MACROD2: variants seen among roughly 807,000 people sequenced by gnomAD.
MACROD2 encodes ADP-ribose glycohydrolase MACROD2.
MACROD2 carries 36 observed loss-of-function variants against 70.4 expected under a neutral mutation model. That is an observed-to-expected ratio of 0.51 (90% CI 0.39 to 0.68). MACROD2 has a LOEUF of 0.68. Among genes scored for constraint, MACROD2 ranks in the 30% least tolerant of loss-of-function variants. MACROD2 has a pLI of 0.00. For synonymous variants in MACROD2, 172 were observed against 178.8 expected, an observed-to-expected ratio of 0.96 and a Z score of 0.30; for missense variants, 496 against 538.4, an observed-to-expected ratio of 0.92 and a Z score of 0.78.
chr20:15,741,818 G>A (rs1234924572), intron 8 of MACROD2, among the ~76,000 whole-genome samples: 3 of 152,024 alleles, frequency 2.0e-5, no homozygotes, highest in Admixed American at 1.3e-4. Context: ...AGAAGATCAG[G>A]GGTCTTTGCA....
At chr20:15,728,642 TA>T (rs1025387264) in intron 8 of MACROD2, among the ~76,000 whole-genome samples, 2 of 152,124 alleles carry the variant, frequency 1.3e-5, no homozygotes, top group African/African-American at 4.8e-5. Flanking sequence ...TGTATGTTTT[TA>T]AAAATTTATC....
chr20:14,416,642 C>T (rs758243140), intron 3 of MACROD2, among the ~76,000 whole-genome samples: 4 of 152,160 alleles, frequency 2.6e-5, no homozygotes, highest in Non-Finnish European at 4.4e-5. Context: ...GTTATAAGCA[C>T]GTCTTTCTTT....
At chr20:15,314,291 G>A (rs2077785405) in intron 6 of MACROD2, among the ~76,000 whole-genome samples, 2 of 151,992 alleles carry the variant, frequency 1.3e-5, no homozygotes, top group Non-Finnish European at 2.9e-5. Context: ...AAAAAAAAAG[G>A]CAACTTTAAA....
In MACROD2 at chr20:14,564,796, A is replaced by G. The variant is rs1325631771; in HGVS notation, c.301+71288A>G. Among the ~76,000 whole-genome samples, 3 of 151,960 alleles carry G rather than the reference A, an allele frequency of 2.0e-5. No homozygotes were observed. The East Asian group carries it at 5.8e-4, about 29-fold the overall frequency. On this transcript the variant is annotated intron_variant, in intron 4 of 17. Coordinates refer to ENST00000684519, the MANE Select transcript of MACROD2 (RefSeq NM_001351661.2). ...CTGTGGAGATTTCTCAAAGAACTAAAAATAGAACTATCATACTATCCATGT... is the reference window on the plus strand; with the variant it reads ...CTGTGGAGATTTCTCAAAGAACTAAGAATAGAACTATCATACTATCCATGT...
chr20:15,295,811 C>T (rs1364438369), intron 6 of MACROD2, among the ~76,000 whole-genome samples: 1 of 152,184 alleles, frequency 6.6e-6, no homozygotes, highest in Admixed American at 6.5e-5. Flanking sequence ...AAGCTACAAG[C>T]CTGCCTTTCT....
At chr20:15,805,233 A>G (rs2063758368) in intron 8 of MACROD2, among the ~76,000 whole-genome samples, 1 of 152,160 alleles carries the variant, frequency 6.6e-6, no homozygotes, top group Non-Finnish European at 1.5e-5. Flanking sequence ...AAGCTGAAGA[A>G]CTGGATAGAA....
intron 5 of MACROD2, among the ~76,000 whole-genome samples, chr20:15,095,574 G>T (rs141027932): frequency 0.016 from 2,375 of 151,962 alleles, 61 homozygotes; most frequent in African/African-American, 0.055. Context: ...CTGGAGTGCA[G>T]TGGCACAATC....
intron 6 of MACROD2, among the ~76,000 whole-genome samples, chr20:15,349,949 C>A (rs765376481): frequency 6.6e-6 from 1 of 152,068 alleles, no homozygotes; most frequent in Non-Finnish European, 1.5e-5. Context: ...CCACTCCCAC[C>A]CTCTTCCATC....
At position 15,476,386 on chromosome 20, in the gene MACROD2, C is replaced by T. The variant is rs11906116; in HGVS notation, c.572-23388C>T. 4.0e-3 allele frequency among the ~76,000 whole-genome samples: 615 copies of T among 152,304 alleles called. 3 individuals carry two copies. Among genetic ancestry groups the T allele is most frequent in the African/African-American group, 0.014 (577 of 41,570 alleles). On this transcript the variant is annotated intron_variant, in intron 7 of 17. Coordinates refer to ENST00000684519, the MANE Select transcript of MACROD2 (RefSeq NM_001351661.2). Reference sequence around the variant, plus strand: ...TAAGGAGAATGAGGTATTCCTTAGCCTTCATAAAGTTGGAATCTTCTGAAT... The same window carrying T: ...TAAGGAGAATGAGGTATTCCTTAGCTTTCATAAAGTTGGAATCTTCTGAAT...
chr20:14,955,027 A>T (rs375397221), intron 5 of MACROD2, among the ~76,000 whole-genome samples: 2 of 102 alleles, frequency 0.02, no homozygotes, highest in African/African-American at 0.036. Context: ...TATATTATAT[A>T]TTTATATTAT....
chr20:14,994,980 A>T (rs2074937019), intron 5 of MACROD2, among the ~76,000 whole-genome samples: 1 of 152,228 alleles, frequency 6.6e-6, no homozygotes, highest in African/African-American at 2.4e-5. Context: ...CTCTAAAAAA[A>T]GAAAAAAAAG....
intron 4 of MACROD2, among the ~76,000 whole-genome samples, chr20:14,494,379 G>T (rs983198965): frequency 6.6e-6 from 1 of 152,002 alleles, no homozygotes; most frequent in Admixed American, 6.6e-5. Flanking sequence ...TTTTTATTTG[G>T]AAATTAAGCA....
At chr20:14,947,415 CG>C (rs2074441569) in intron 5 of MACROD2, among the ~76,000 whole-genome samples, 1 of 152,126 alleles carries the variant, frequency 6.6e-6, no homozygotes, top group Non-Finnish European at 1.5e-5. Context: ...CTTCCATACA[CG>C]GGGGCACCAG....
intron 3 of MACROD2, among the ~76,000 whole-genome samples, chr20:14,237,023 G>C (rs1483506536): frequency 6.6e-6 from 1 of 151,854 alleles, no homozygotes; most frequent in Non-Finnish European, 1.5e-5. Flanking sequence ...CAATAACTTA[G>C]ATTCAAGTAT....
At chr20:16,044,542 T>C in intron 16 of MACROD2, 29 bp from the exon 17 acceptor site, 3 of 1,592,908 alleles carry the variant, frequency 1.9e-6, no homozygotes, top group Non-Finnish European at 2.6e-6. Flanking sequence ...TTAATGAATA[T>C]TTAACTTTTT....
intron 4 of MACROD2, among the ~76,000 whole-genome samples, chr20:14,583,149 G>C (rs1312790613): frequency 1.3e-5 from 2 of 152,174 alleles, no homozygotes; most frequent in Admixed American, 1.3e-4. Context: ...AGCTGCAGTG[G>C]ACAGTTCTGT....
intron 3 of MACROD2, among the ~76,000 whole-genome samples, chr20:14,243,793 A>G (rs1255352368): frequency 1.3e-5 from 2 of 152,258 alleles, no homozygotes; most frequent in Non-Finnish European, 2.9e-5. Context: ...ACAATATATT[A>G]TATATCTCTT....
In MACROD2 at chr20:16,051,538, C is replaced by A. The variant is rs949008350; in HGVS notation, c.*1662C>A. ...ATCAGCAAGAATGACATTTACGTGA[C>A]CTCATAATGTGGGATTATGGCCTTC... On this transcript the variant is annotated 3_prime_UTR_variant, in exon 18 of 18. Transcript: ENST00000684519. 1 of 152,088 alleles carries A rather than the reference C, an allele frequency of 6.6e-6. No individual in the cohort carries two copies. The highest frequency in any genetic ancestry group is 2.4e-5 in the African/African-American group (1 of 41,420). The allele number at this position is 152,088 out of a possible 1,614,324, so 9.4% of individuals were successfully genotyped here.
intron 8 of MACROD2, among the ~76,000 whole-genome samples, chr20:15,601,371 G>A (rs1286759397): frequency 1.3e-5 from 2 of 151,954 alleles, no homozygotes; most frequent in African/African-American, 2.4e-5. Flanking sequence ...AAATGTGTGC[G>A]CCCATTCACC....
Sources: allele counts gnomAD v4.1 joint callset (sites outside exome capture counted in the v4.1 genomes callset), GRCh38; gene constraint gnomAD v4.1.1; transcripts MANE v1.5; gene names NCBI Gene and HGNC (gene_info 2026-07-23, HGNC 2026-07-21).